TCF15: variants seen among roughly 807,000 people sequenced by gnomAD.
TCF15 encodes TCF-15.
A neutral mutation model predicts 11.1 loss-of-function variants in TCF15; 7 were observed. The ratio of observed to expected loss-of-function variants is 0.63; its 90% CI spans 0.36 to 1.19. The LOEUF is 1.19. Ranked by LOEUF, TCF15 falls within the 50% of genes most tolerant of loss-of-function variation. TCF15 has a pLI of 0.02. For missense variants in TCF15, 288 were observed against 289.4 expected (o/e 1.00, Z 0.03); for synonymous variants, 144 against 138.9 (o/e 1.04, Z -0.26).
rs747970790 is a variant in TCF15 at position 609,872 on chromosome 20, C to T, written c.366G>A (p.Ala122=). 7 of 1,526,698 alleles carry T rather than the reference C, an allele frequency of 4.6e-6. No homozygotes were observed. The highest frequency in any genetic ancestry group is 6.1e-6 in the Non-Finnish European group (7 of 1,147,658). The allele number at this position is 1,526,698 out of a possible 1,614,324, so 94.6% of individuals were successfully genotyped here. A position where few individuals can be genotyped will look rare whatever the true frequency, so the allele number is the denominator to read the frequency against. The change falls in exon 1 of 2, where the codon GCG becomes GCA. Residue 122 remains alanine (A), a synonymous_variant. Coordinates refer to ENST00000246080, the MANE Select transcript of TCF15 (RefSeq NM_004609.4). This position sits in a 1 kb window ranked among gnomAD's most constrained non-coding sequence, Gnocchi z 4.7. The part of the protein sequence containing the change: ...ETVRLASSYI[A]HLANVLLLGD... ...CCAGCAGCAGCACGTTGGCCAGGTG[C>T]GCGATGTAGCTGGACGCCAGGCGCA...
chr20:608,151 A>T (rs1258237004), intron 1 of TCF15, among the ~76,000 whole-genome samples: 3 of 152,098 alleles, frequency 2.0e-5, no homozygotes, highest in Admixed American at 2.0e-4. Flanking sequence ...CCTGGGTTGG[A>T]GGCTTTCTCT....
At chr20:607,715 G>A (rs1298264621) in intron 1 of TCF15, among the ~76,000 whole-genome samples, 2 of 152,158 alleles carry the variant, frequency 1.3e-5, no homozygotes, top group African/African-American at 2.4e-5. Context: ...CTTGCTATGG[G>A]GGTGGACACA....
At position 609,812 on chromosome 20, in the gene TCF15, A is replaced by G. The variant is rs282164; in HGVS notation, c.426T>C (p.Arg142=). 0.81 allele frequency: 1,207,252 copies of G among 1,492,858 alleles called. 490,649 individuals carry two copies. The highest frequency in any genetic ancestry group is 1 in the East Asian group (35,993 of 36,016). 92.5% of individuals were successfully genotyped at this position (1,492,858 alleles called of 1,614,324 possible). The part of the protein sequence containing the change: ...DSADDGQPCF[R]AAGSAKGAVP... ...CGGCGCCCTTGGCACTGCCCGCGGC[A>G]CGGAAGCACGGCTGCCCGTCGTCGG... Residue 142 remains arginine, a synonymous_variant, in exon 1 of 2, where the codon CGT becomes CGC. Coordinates refer to ENST00000246080, the MANE Select transcript of TCF15 (RefSeq NM_004609.4). This position sits in a 1 kb window ranked among gnomAD's most constrained non-coding sequence, Gnocchi z 4.7.
At chr20:607,517 A>G (rs948674325) in intron 1 of TCF15, among the ~76,000 whole-genome samples, 13 of 152,216 alleles carry the variant, frequency 8.5e-5, no homozygotes, top group Non-Finnish European at 1.9e-4. Flanking sequence ...AAGGGGCCAT[A>G]GCTGGCCAGG....
rs1479099938 is a variant in TCF15, at chr20:610,250, C to T, written c.-13G>A. On this transcript the variant is annotated 5_prime_UTR_variant, in exon 1 of 2. Coordinates refer to ENST00000246080, the MANE Select transcript of TCF15 (RefSeq NM_004609.4). Reference sequence around the variant, plus strand: ...GCGCGAACGCCATGGGCGCCGGCCGCGTCCCTCCGTGCGCCGCGTCCCAGC... The same window carrying T: ...GCGCGAACGCCATGGGCGCCGGCCGTGTCCCTCCGTGCGCCGCGTCCCAGC... 1 of 992,956 alleles carries T rather than the reference C, an allele frequency of 1.0e-6. No individual in the cohort carries two copies. The highest frequency in any genetic ancestry group is 1.2e-6 in the Non-Finnish European group (1 of 836,122). 61.5% of individuals were successfully genotyped at this position (992,956 alleles called of 1,614,324 possible). A position where few individuals can be genotyped will look rare whatever the true frequency, so the allele number is the denominator to read the frequency against.
rs1016966818 is a variant in TCF15, at chr20:604,973, G to C, written c.526-308C>G. Among the ~76,000 whole-genome samples, 1 of 152,162 alleles carries C rather than the reference G, an allele frequency of 6.6e-6. No homozygotes were observed. Among genetic ancestry groups the C allele is most frequent in the African/African-American group, 2.4e-5 (1 of 41,436 alleles). ...GAGAGGAATTTGATGATGGAGAGAG[G>C]ATGGGAGGGAGGCTCTCTCATGCTA... On this transcript the variant is annotated intron_variant, in intron 1 of 1. Coordinates refer to ENST00000246080, the MANE Select transcript of TCF15 (RefSeq NM_004609.4). This position sits in a 1 kb window ranked among gnomAD's most constrained non-coding sequence, Gnocchi z 4.2.
Position 607,580 on chromosome 20 carries a change from T to C in TCF15, c.525+2133A>G, listed in dbSNP as rs555244860. On this transcript the variant is annotated intron_variant, in intron 1 of 1. Transcript: ENST00000246080. The stretch of plus-strand genomic sequence containing the variant: ...AGACCGTGGGGTTGAGAGCATGGTT[T>C]CTACAGCCAAATTTGGCTGAGTTCT... Among the ~76,000 whole-genome samples the C allele has an allele frequency of 1.1e-3, 175 of 152,362 alleles. 1 individual carries two copies. The highest frequency in any genetic ancestry group is 2.1e-3 in the Non-Finnish European group (141 of 68,032).
At chr20:607,408 A>T (rs1350713548) in intron 1 of TCF15, among the ~76,000 whole-genome samples, 1 of 152,190 alleles carries the variant, frequency 6.6e-6, no homozygotes, top group East Asian at 1.9e-4. Flanking sequence ...CTCAGGGTAA[A>T]GGAACGGGGT....
chr20:606,355 T>C (rs1206524756), intron 1 of TCF15, among the ~76,000 whole-genome samples: 1 of 152,116 alleles, frequency 6.6e-6, no homozygotes, highest in Admixed American at 6.5e-5. Context: ...CCACCCCAAG[T>C]CTGGAGGTCA....
rs558516022 is a variant in TCF15 at position 609,298 on chromosome 20, C to G, written c.525+415G>C. Among the ~76,000 whole-genome samples, 125 of 152,272 alleles carry G rather than the reference C, an allele frequency of 8.2e-4. 2 individuals are homozygous for G. Among genetic ancestry groups the G allele is most frequent in the African/African-American group, 2.9e-3 (121 of 41,550 alleles). On this transcript the variant is annotated intron_variant, in intron 1 of 1. Coordinates refer to ENST00000246080, the MANE Select transcript of TCF15 (RefSeq NM_004609.4). The surrounding 1 kb of genome is among the most constrained non-coding windows in gnomAD (Gnocchi z 4.7). ...CCATCTCTGATGCTCAGATCCTCAT[C>G]AGGATAAAATGGGCAGAAAAACTAC... is the stretch of plus-strand genomic sequence containing the variant.
chr20:609,411 T>C lies in TCF15; in HGVS notation c.525+302A>G, dbSNP rs578246003. The stretch of plus-strand genomic sequence containing the variant: ...GACTCCATAAAAGATGGGTCTTTGT[T>C]ACTCAGTCCTCATGCCGTCTTCCCA... On this transcript the variant is annotated intron_variant, in intron 1 of 1. Transcript: ENST00000246080. This position sits in a 1 kb window ranked among gnomAD's most constrained non-coding sequence, Gnocchi z 4.7. Among the ~76,000 whole-genome samples, 4 of 152,354 alleles carry C rather than the reference T, an allele frequency of 2.6e-5. No individual in the cohort carries two copies. Among genetic ancestry groups the C allele is most frequent in the Middle Eastern group, 6.8e-3 (2 of 294 alleles).
chr20:605,156 A>G (rs1322435482), intron 1 of TCF15, among the ~76,000 whole-genome samples: 1 of 152,140 alleles, frequency 6.6e-6, no homozygotes, highest in Non-Finnish European at 1.5e-5. Context: ...ACACCCGGCT[A>G]ATTTTTGTAT....
At position 609,327 on chromosome 20, in the gene TCF15, C is replaced by A. The variant is rs1436547866; in HGVS notation, c.525+386G>T. Among the ~76,000 whole-genome samples, 2 of 152,162 alleles carry A rather than the reference C, an allele frequency of 1.3e-5. No individual in the cohort carries two copies. The highest frequency in any genetic ancestry group is 2.9e-5 in the Non-Finnish European group (2 of 68,032). ...ATAAAATGGGCAGAAAAACTACCTG[C>A]CTGAAGGGATTCTTGTGAAGGCAAA... is the stretch of plus-strand genomic sequence containing the variant. On this transcript the variant is annotated intron_variant, in intron 1 of 1. Transcript: ENST00000246080. This position sits in a 1 kb window ranked among gnomAD's most constrained non-coding sequence, Gnocchi z 4.7.
At chr20:607,386 G>A (rs2019984591) in intron 1 of TCF15, among the ~76,000 whole-genome samples, 1 of 152,228 alleles carries the variant, frequency 6.6e-6, no homozygotes, top group Non-Finnish European at 1.5e-5. Context: ...CAGGATGGGA[G>A]GGAGGTGGTG....
intron 1 of TCF15, among the ~76,000 whole-genome samples, chr20:608,386 G>GT (rs1399416778): frequency 1.3e-5 from 2 of 152,230 alleles, no homozygotes; most frequent in African/African-American, 4.8e-5. Flanking sequence ...CAGTCAGGGA[G>GT]TATCCCTGAG....
At position 609,785 on chromosome 20, in the gene TCF15, G is replaced by A; in HGVS notation, c.453C>T (p.Val151=). The change falls in exon 1 of 2, where the codon GTC becomes GTT. Residue 151 remains valine, a synonymous_variant. Transcript: ENST00000246080. This position sits in a 1 kb window ranked among gnomAD's most constrained non-coding sequence, Gnocchi z 4.7. ...GGCGGCCGCCGTCGGCGGCGGCGGG[G>A]ACGGCGCCCTTGGCACTGCCCGCGG... ...FRAAGSAKGA[V]PAAADGGRQP... is the part of the protein sequence containing the mutation. The A allele has an allele frequency of 2.1e-6, 3 of 1,429,318 alleles. No individual in the cohort carries two copies. Among genetic ancestry groups the A allele is most frequent in the Non-Finnish European group, 2.7e-6 (3 of 1,103,986 alleles). The allele number at this position is 1,429,318 out of a possible 1,614,324, so 88.5% of individuals were successfully genotyped here. A position where few individuals can be genotyped will look rare whatever the true frequency, so the allele number is the denominator to read the frequency against.
At chr20:608,537 C>A (rs988535906) in intron 1 of TCF15, among the ~76,000 whole-genome samples, 1 of 151,370 alleles carries the variant, frequency 6.6e-6, no homozygotes, top group Admixed American at 6.6e-5. Flanking sequence ...CTAAGAAGAC[C>A]GACGATTCAG....
chr20:609,776 G>A lies in TCF15; in HGVS notation c.462C>T (p.Ala154=). Residue 154 remains alanine, a synonymous_variant, in exon 1 of 2, where the codon GCC becomes GCT. Coordinates refer to ENST00000246080, the MANE Select transcript of TCF15 (RefSeq NM_004609.4). The surrounding 1 kb of genome is among the most constrained non-coding windows in gnomAD (Gnocchi z 4.7). ...AGCGCGGCTGGCGGCCGCCGTCGGCGGCGGCGGGGACGGCGCCCTTGGCAC... is the reference window on the plus strand; with the variant it reads ...AGCGCGGCTGGCGGCCGCCGTCGGCAGCGGCGGGGACGGCGCCCTTGGCAC... The part of the protein sequence containing the change: ...AGSAKGAVPA[A]ADGGRQPRSI... 2.1e-6 allele frequency: 3 copies of A among 1,414,074 alleles called. No individual in the cohort carries two copies. Among genetic ancestry groups the A allele is most frequent in the South Asian group, 1.6e-5 (1 of 64,324 alleles). 87.6% of individuals were successfully genotyped at this position (1,414,074 alleles called of 1,614,324 possible). A position where few individuals can be genotyped will look rare whatever the true frequency, so the allele number is the denominator to read the frequency against.
chr20:605,780 C>T (rs1477380941), intron 1 of TCF15, among the ~76,000 whole-genome samples: 1 of 152,240 alleles, frequency 6.6e-6, no homozygotes, highest in Non-Finnish European at 1.5e-5. Flanking sequence ...TTCATCCTCA[C>T]CGTAAGCCAG....
Sources: allele counts gnomAD v4.1 joint callset (sites outside exome capture counted in the v4.1 genomes callset), GRCh38; gene constraint gnomAD v4.1.1; non-coding constraint Gnocchi (gnomAD v3.1); transcripts MANE v1.5; gene names NCBI Gene and HGNC (gene_info 2026-07-23, HGNC 2026-07-21).